The following ATP9B variants were observed in gnomAD, a reference collection of about 807,000 sequenced individuals.
ATP9B encodes ATPase phospholipid transporting 9B.
Under a neutral mutation model 146.1 loss-of-function variants are expected in ATP9B, and 110 were observed. The observed-to-expected ratio is 0.75, with a 90% CI of 0.65 to 0.88. The LOEUF (loss-of-function observed/expected upper bound fraction) is 0.88. Among genes scored for constraint, ATP9B ranks in the 40% least tolerant of loss-of-function variants. The probability of loss-of-function intolerance (pLI) is 0.00; values close to 1 mark genes in which losing one functional copy is unlikely to be tolerated. For synonymous variants in ATP9B, 604 were observed against 569.7 expected, an observed-to-expected ratio of 1.06 and a Z score of -0.86; for missense variants, 1,499 against 1,496.4, an observed-to-expected ratio of 1.00 and a Z score of -0.03.
In ATP9B at chr18:79,377,821, C is replaced by T. The variant is rs950792839; in HGVS notation, c.*438C>T. 13 of 166,140 alleles carry T rather than the reference C, an allele frequency of 7.8e-5. 1 individual carries two copies. The highest frequency in any genetic ancestry group is 1.6e-4 in the East Asian group (1 of 6,064). The allele number at this position is 166,140 out of a possible 1,614,324, so 10.3% of individuals were successfully genotyped here. ...CCGGGATGGCCCCTCCCTCTCAGTG[C>T]GGGAACGTCACCCCTGCCAGGCAAG... On this transcript the variant is annotated 3_prime_UTR_variant, in exon 30 of 30. Coordinates refer to ENST00000426216, the MANE Select transcript of ATP9B (RefSeq NM_198531.5).
chr18:79,359,499 GC>G, intron 26 of ATP9B, 37 bp downstream of exon 26: 1 of 1,478,146 alleles, frequency 6.8e-7, no homozygotes, highest in African/African-American at 1.4e-5. Context: ...CTCACGACTA[GC>G]ACCCACATCT....
At chr18:79,087,423 A>T (rs2073940245) in intron 1 of ATP9B, 2 of 152,264 alleles carry the variant, frequency 1.3e-5, no homozygotes, top group African/African-American at 4.8e-5. Context: ...GCTGCTTAGT[A>T]ATGACTTATC....
chr18:79,291,062 A>C (rs767115001), intron 13 of ATP9B, among the ~76,000 whole-genome samples: 9 of 152,106 alleles, frequency 5.9e-5, no homozygotes, highest in Non-Finnish European at 1.2e-4. Flanking sequence ...ATCTGTTGCC[A>C]CTCTGAGAAT....
intron 4 of ATP9B, chr18:79,117,447 G>A (rs554769443): frequency 6.6e-6 from 1 of 152,402 alleles, no homozygotes; most frequent in African/African-American, 2.4e-5. Context: ...AGGTGACATT[G>A]GAATGACATC....
chr18:79,103,164 T>G (rs572662938), intron 2 of ATP9B, among the ~76,000 whole-genome samples: 32 of 152,306 alleles, frequency 2.1e-4, no homozygotes, highest in African/African-American at 7.5e-4. Flanking sequence ...CACCGTCACC[T>G]TGTTCTTTCC....
chr18:79,257,128 C>T lies in ATP9B; in HGVS notation c.1268+3587C>T, dbSNP rs186757545. 3.3e-5 allele frequency among the ~76,000 whole-genome samples: 5 copies of T among 152,134 alleles called. No homozygotes were observed. The East Asian group carries it at 7.7e-4, about 24-fold the overall frequency. On this transcript the variant is annotated intron_variant, in intron 12 of 29. Coordinates refer to ENST00000426216, the MANE Select transcript of ATP9B (RefSeq NM_198531.5). ...TAGCCTGGCCATCATGATGGAACCC[C>T]GTCTCTACAAAAAATACAAAAATTA...
chr18:79,329,964 G>C (rs1389092303), intron 16 of ATP9B, 48 bp from the exon 17 acceptor site: 1 of 1,537,004 alleles, frequency 6.5e-7, no homozygotes, highest in East Asian at 2.3e-5. Context: ...TATTTGCCCC[G>C]AGCAATGCAG....
intron 2 of ATP9B, among the ~76,000 whole-genome samples, chr18:79,102,035 T>C (rs894213238): frequency 6.6e-6 from 1 of 152,206 alleles, no homozygotes; most frequent in Non-Finnish European, 1.5e-5. Context: ...AACTTCCGCC[T>C]CCTGGGTCCA....
chr18:79,346,267 G>A (rs1057028884), intron 23 of ATP9B, among the ~76,000 whole-genome samples: 9 of 134,926 alleles, frequency 6.7e-5, no homozygotes, highest in Non-Finnish European at 1.1e-4. Context: ...CGGCACATAC[G>A]TGCTTAGTGC....
intron 12 of ATP9B, among the ~76,000 whole-genome samples, chr18:79,275,636 G>A (rs2145701213): frequency 6.6e-6 from 1 of 152,372 alleles, no homozygotes; most frequent in African/African-American, 2.4e-5. Flanking sequence ...TGGGTAACTT[G>A]TAGGCGTCAG....
chr18:79,240,257 T>C (rs2095876092), intron 11 of ATP9B, among the ~76,000 whole-genome samples: 1 of 152,238 alleles, frequency 6.6e-6, no homozygotes, highest in Non-Finnish European at 1.5e-5. Context: ...GGGCAGTAAT[T>C]GATACCAGTT....
At chr18:79,091,812 T>C (rs1452558372) in intron 1 of ATP9B, among the ~76,000 whole-genome samples, 1 of 152,222 alleles carries the variant, frequency 6.6e-6, no homozygotes, top group Non-Finnish European at 1.5e-5. Context: ...CAGTACTATG[T>C]CGAGTAACAG....
intron 19 of ATP9B, among the ~76,000 whole-genome samples, chr18:79,338,837 G>A (rs1409628738): frequency 6.6e-6 from 1 of 152,362 alleles, no homozygotes; most frequent in East Asian, 1.9e-4. Context: ...GGGAAAAAGT[G>A]TAACTTGGTT....
chr18:79,148,051 A>G (rs1183401296), intron 6 of ATP9B, among the ~76,000 whole-genome samples: 1 of 152,230 alleles, frequency 6.6e-6, no homozygotes, highest in African/African-American at 2.4e-5. Flanking sequence ...AAACACCTTG[A>G]TGCTCATAAA....
intron 4 of ATP9B, chr18:79,115,489 C>G (rs1297761678): frequency 7.3e-6 from 1 of 137,510 alleles, no homozygotes; most frequent in Non-Finnish European, 1.5e-5. Flanking sequence ...AAGAACAAAG[C>G]TGGAGGCATC....
chr18:79,361,144 C>T (rs187299363), intron 26 of ATP9B: 6 of 152,336 alleles, frequency 3.9e-5, no homozygotes, highest in Admixed American at 1.3e-4. Flanking sequence ...AGCCGGTGCT[C>T]CCGGATCGCT....
At chr18:79,319,830 G>C (rs972669618) in intron 15 of ATP9B, among the ~76,000 whole-genome samples, 2 of 152,146 alleles carry the variant, frequency 1.3e-5, no homozygotes, top group Non-Finnish European at 2.9e-5. Flanking sequence ...CATGACTTCT[G>C]CATCTACAGA....
At chr18:79,158,532 A>G (rs971073200) in intron 7 of ATP9B, among the ~76,000 whole-genome samples, 1 of 152,110 alleles carries the variant, frequency 6.6e-6, no homozygotes, top group Non-Finnish European at 1.5e-5. Flanking sequence ...GCCTCACGTG[A>G]TCCTCCCACC....
Position 79,375,376 on chromosome 18 carries a change from A to G in ATP9B, c.3275-18A>G. 1 of 1,601,346 alleles carries G rather than the reference A, an allele frequency of 6.2e-7. No individual in the cohort carries two copies. On this transcript the variant is annotated intron_variant, in intron 28 of 29. Transcript: ENST00000426216. ...CTTTAATCTGTCCTTTATTTTCTTT[A>G]TTACTGTTTTGGAACAGGTATAGGC...
Sources: allele counts gnomAD v4.1 joint callset (sites outside exome capture counted in the v4.1 genomes callset), GRCh38; gene constraint gnomAD v4.1.1; transcripts MANE v1.5; gene names NCBI Gene and HGNC (gene_info 2026-07-23, HGNC 2026-07-21).